The following ADGRG4 variants were observed in gnomAD, a reference collection of about 807,000 sequenced individuals.
ADGRG4 encodes adhesion G protein-coupled receptor G4.
A neutral mutation model predicts 126.2 loss-of-function variants in ADGRG4; 122 were observed. The ratio of observed to expected loss-of-function variants is 0.97; its 90% CI spans 0.83 to 1.12. The LOEUF (loss-of-function observed/expected upper bound fraction) is 1.12, where lower values mean the gene tolerates loss of function less well. Ranked by LOEUF, ADGRG4 falls within the 50% of genes most tolerant of loss-of-function variation. The pLI is 0.00. For synonymous variants in ADGRG4, 943 were observed against 838.7 expected, an observed-to-expected ratio of 1.12 and a Z score of -2.15; for missense variants, 2,481 against 2,251.8, an observed-to-expected ratio of 1.10 and a Z score of -2.06.
Position 136,350,310 on chromosome X carries a change from T to C in ADGRG4, c.6604T>C (p.Tyr2202His), listed in dbSNP as rs1402703614. ...TCCACTCATATCCACTGGGGTGACA[T>C]ATCCTTTTACAGCAACTGTGTCTTC... ...SFPLISTGVTYPFTATVSSPI... is the reference protein window; with the variant it reads ...SFPLISTGVTHPFTATVSSPI... Residue 2202 changes from tyrosine (Y) to histidine (H), a missense_variant, in exon 6 of 26, where the codon TAT becomes CAT. Coordinates refer to ENST00000394143, the MANE Select transcript of ADGRG4 (RefSeq NM_153834.4). 2 of 1,210,664 alleles carry C rather than the reference T, an allele frequency of 1.7e-6. No homozygotes were observed. The highest frequency in any genetic ancestry group is 2.2e-6 in the Non-Finnish European group (2 of 894,578).
chrX:136,392,455 C>A, intron 17 of ADGRG4, 101 bp downstream of exon 17: 1 of 711,355 alleles, frequency 1.4e-6, no homozygotes, highest in South Asian at 4.2e-5. Context: ...GATTCTAACA[C>A]TTAATGAGGA....
At chrX:136,372,574 G>A (rs768174221) in intron 14 of ADGRG4, among the ~76,000 whole-genome samples, 20 of 112,032 alleles carry the variant, frequency 1.8e-4, no homozygotes, top group Non-Finnish European at 3.0e-4. Context: ...ACGAGGCCCT[G>A]CAGGGTCTGG....
intron 16 of ADGRG4, among the ~76,000 whole-genome samples, chrX:136,389,909 T>A (rs186570311): frequency 3.3e-4 from 37 of 111,628 alleles, no homozygotes; most frequent in Middle Eastern, 4.6e-3. Context: ...GGGGAAAGAG[T>A]ACTTACAAAA....
chrX:136,372,244 A>G (rs1250970609), intron 14 of ADGRG4, among the ~76,000 whole-genome samples: 1 of 111,666 alleles, frequency 9.0e-6, no homozygotes, highest in African/African-American at 3.3e-5. Flanking sequence ...CTCACAGCCA[A>G]TTAATAACTA....
rs762173395 is a variant in ADGRG4 at position 136,346,038 on chromosome X, C to G, written c.2332C>G (p.Pro778Ala). Residue 778 changes from proline (P) to alanine (A), a missense_variant, in exon 6 of 26, where the codon CCA (proline) becomes GCA (alanine). Physicochemically the swap from Pro to Ala is conservative, Grantham distance 27 (BLOSUM62 -1). Transcript: ENST00000394143. The stretch of plus-strand genomic sequence containing the variant: ...ACCTGCAAATGAACTTCCTTTGACA[C>G]CAAGGGAGACTGTTGTTCCATCAGT... ...TKPANELPLT[P>A]RETVVPSVDI... 1.2e-5 allele frequency: 15 copies of G among 1,201,878 alleles called. No homozygotes were observed. The highest frequency in any genetic ancestry group is 1.7e-5 in the Non-Finnish European group (15 of 889,028).
At chrX:136,332,630 A>G (rs2074919874) in intron 5 of ADGRG4, among the ~76,000 whole-genome samples, 1 of 110,262 alleles carries the variant, frequency 9.1e-6, no homozygotes, top group Admixed American at 9.6e-5. Flanking sequence ...CAACAGTGTA[A>G]AAGTGTTCCT....
intron 5 of ADGRG4, among the ~76,000 whole-genome samples, chrX:136,342,994 A>T (rs1465296150): frequency 9.3e-6 from 1 of 107,110 alleles, no homozygotes; most frequent in African/African-American, 3.4e-5. Flanking sequence ...AACAGATTAG[A>T]GGGGGTCCAA....
In ADGRG4 at chrX:136,342,879, AGTGT is replaced by A. The variant is rs58303622; in HGVS notation, c.686-1473_686-1470del. 0.029 allele frequency among the ~76,000 whole-genome samples: 2,541 copies of A among 87,282 alleles called. 162 individuals are homozygous for A. The East Asian group carries it at 0.34, about 12-fold the overall frequency. 75.8% of individuals were successfully genotyped at this position (87,282 alleles called of 115,157 possible). A position where few individuals can be genotyped will look rare whatever the true frequency, so the allele number is the denominator to read the frequency against. On this transcript the variant is annotated intron_variant, in intron 5 of 25. Transcript: ENST00000394143. ...AATAGAAAGCAACTAAAGAGAGCTC[AGTGT>A]GTGTGTGTGTGTGTGTGTGTGTGTG...
At chrX:136,337,416 T>C (rs1311962508) in intron 5 of ADGRG4, among the ~76,000 whole-genome samples, 1 of 112,594 alleles carries the variant, frequency 8.9e-6, no homozygotes, top group African/African-American at 3.2e-5. Flanking sequence ...TTTTTCTTTC[T>C]CATTCTCCAA....
At chrX:136,374,618 C>CG (rs1486050599) in intron 15 of ADGRG4, among the ~76,000 whole-genome samples, 1 of 110,333 alleles carries the variant, frequency 9.1e-6, no homozygotes, top group East Asian at 2.8e-4. Flanking sequence ...TTAGTAGAGA[C>CG]GGGGTTTAGC....
In ADGRG4 at chrX:136,360,040, G is replaced by A. The variant is rs183019111; in HGVS notation, c.7144+585G>A. The stretch of plus-strand genomic sequence containing the variant: ...AGATAACACACACAGGCATTAGAAC[G>A]CACAATCCTTGGCAACAGACTAATT... On this transcript the variant is annotated intron_variant, in intron 11 of 25. Transcript: ENST00000394143. Among the ~76,000 whole-genome samples the A allele has an allele frequency of 4.9e-4, 55 of 111,694 alleles. No homozygotes were observed. The East Asian group carries it at 0.014, about 27-fold the overall frequency.
rs1249394357 is a variant in ADGRG4 at position 136,346,837 on chromosome X, C to T, written c.3131C>T (p.Ser1044Phe). Residue 1044 changes from serine (S) to phenylalanine (F), a missense_variant, in exon 6 of 26, where the codon TCT becomes TTT. Ser to Phe is a radical substitution (Grantham distance 155, BLOSUM62 -2). Coordinates refer to ENST00000394143, the MANE Select transcript of ADGRG4 (RefSeq NM_153834.4). The part of the protein sequence containing the change: ...SEPSTLARAF[S>F]TSVLSDVSNL... Reference sequence around the variant, plus strand: ...CCTTCTACACTGGCCAGGGCTTTTTCTACATCTGTGCTCTCAGATGTCTCA... The same window carrying T: ...CCTTCTACACTGGCCAGGGCTTTTTTTACATCTGTGCTCTCAGATGTCTCA... 3 of 1,209,282 alleles carry T rather than the reference C, an allele frequency of 2.5e-6. No homozygotes were observed. The African/African-American group carries it at 5.2e-5, about 21-fold the overall frequency.
At position 136,359,304 on chromosome X, in the gene ADGRG4, G is replaced by C; in HGVS notation, c.6993G>C (p.Gln2331His). The C allele has an allele frequency of 8.3e-7, 1 of 1,204,017 alleles. No homozygotes were observed. The highest frequency in any genetic ancestry group is 1.1e-6 in the Non-Finnish European group (1 of 892,048). ...TTCTGCTTTGTAGTTGTGTTTGTCA[G>C]GTCATCATAAAAGCCAGCTCTTCCT... The part of the protein sequence containing the change: ...ISYVPYSCVC[Q>H]VIIKASSSLA... The change falls in exon 11 of 26, where the codon CAG becomes CAC. Residue 2331 changes from glutamine to histidine, a missense_variant. Transcript: ENST00000394143.
rs774479690 is a variant in ADGRG4, at chrX:136,359,320, A to G, written c.7009A>G (p.Ser2337Gly). The change falls in exon 11 of 26, where the codon AGC becomes GGC. Residue 2337 changes from serine to glycine, a missense_variant. By Grantham distance (56) the Ser-to-Gly change is moderately conservative. Transcript: ENST00000394143. ...SCVCQVIIKA[S>G]SSLASSELMR... ...TGTTTGTCAGGTCATCATAAAAGCC[A>G]GCTCTTCCTTAGCATCCTCTGAATT... The G allele has an allele frequency of 3.8e-5, 46 of 1,203,975 alleles. No homozygotes were observed. Among genetic ancestry groups the G allele is most frequent in the Non-Finnish European group, 5.2e-5 (46 of 892,172 alleles).
At chrX:136,356,364 T>C (rs1331552418) in intron 9 of ADGRG4, among the ~76,000 whole-genome samples, 199 bp downstream of exon 9, 1 of 111,495 alleles carries the variant, frequency 9.0e-6, no homozygotes, top group Non-Finnish European at 1.9e-5. Context: ...GAACTATCCA[T>C]GTGGCAGCTT....
At chrX:136,329,031 C>A (rs927863186) in intron 5 of ADGRG4, among the ~76,000 whole-genome samples, 1 of 111,036 alleles carries the variant, frequency 9.0e-6, no homozygotes, top group Non-Finnish European at 1.9e-5. Context: ...AAACTGAATG[C>A]AGACACCACT....
At position 136,347,504 on chromosome X, in the gene ADGRG4, A is replaced by C; in HGVS notation, c.3798A>C (p.Gly1266=). 8.3e-7 allele frequency: 1 copy of C among 1,209,638 alleles called. No homozygotes were observed. Among genetic ancestry groups the C allele is most frequent in the Non-Finnish European group, 1.1e-6 (1 of 893,903 alleles). ...AAGACCAGATGACCATATCCCTGGG[A>C]AAAACCCCTAGAACTATGGAGGTGA... The part of the protein sequence containing the change: ...SDKDQMTISL[G]KTPRTMEVTE... Residue 1266 remains glycine (G), a synonymous_variant, in exon 6 of 26, where the codon GGA becomes GGC. Transcript: ENST00000394143.
chrX:136,405,583 A>T, intron 22 of ADGRG4, 109 bp from the exon 23 acceptor site: 2 of 583,197 alleles, frequency 3.4e-6, no homozygotes, highest in Non-Finnish European at 5.1e-6. Flanking sequence ...TCATTTCTCT[A>T]GGGCAGATGC....
intron 4 of ADGRG4, among the ~76,000 whole-genome samples, chrX:136,313,076 G>T (rs1473250126): frequency 8.9e-6 from 1 of 112,261 alleles, no homozygotes; most frequent in Admixed American, 9.4e-5. Flanking sequence ...CATTTAAATT[G>T]TTTCTACATT....
Sources: gnomAD v4.1 joint callset for allele counts (sites outside exome capture counted in the v4.1 genomes callset) on GRCh38, gnomAD v4.1.1 for gene constraint, MANE v1.5 for transcripts, NCBI Gene and HGNC (gene_info 2026-07-23, HGNC 2026-07-21) for gene names.